Variants in NBPF15 observed in about 807,000 individuals in gnomAD.
NBPF15 encodes NBPF family member NBPF15.
In NBPF15, 74 loss-of-function variants were observed where a neutral mutation model predicts 62.2. The observed-to-expected ratio is 1.19, with a 90% confidence interval of 0.99 to 1.44. The LOEUF is 1.44. Ranked by LOEUF, NBPF15 falls within the 40% of genes most tolerant of loss-of-function variation. The probability of loss-of-function intolerance (pLI) is 0.00; values close to 1 mark genes in which losing one functional copy is unlikely to be tolerated. For missense variants in NBPF15, 790 were observed against 550.0 expected (o/e 1.44, Z -4.36); for synonymous variants, 244 against 209.7 (o/e 1.16, Z -1.41).
At chr1:144,444,524 G>T (rs1227840636) in intron 6 of NBPF15, among the ~76,000 whole-genome samples, 2 of 151,564 alleles carry the variant, frequency 1.3e-5, no homozygotes, top group African/African-American at 4.8e-5. Context: ...CAAGATAAGG[G>T]CCCCCAGCAC....
At chr1:144,454,941 A>G (rs1189110548) in intron 4 of NBPF15, among the ~76,000 whole-genome samples, 2 of 151,428 alleles carry the variant, frequency 1.3e-5, no homozygotes, top group Non-Finnish European at 2.9e-5. Context: ...AAGCAGCTCC[A>G]GAGGTTTTGG....
chr1:144,432,675 C>T (rs1675278087), intron 13 of NBPF15, among the ~76,000 whole-genome samples: 1 of 151,992 alleles, frequency 6.6e-6, no homozygotes, highest in African/African-American at 2.4e-5. Context: ...TCTGATAAAA[C>T]AGACTTTAAA....
At chr1:144,426,680 G>A (rs1210145397) in intron 17 of NBPF15, among the ~76,000 whole-genome samples, 3 of 151,580 alleles carry the variant, frequency 2.0e-5, no homozygotes, top group African/African-American at 7.3e-5. Flanking sequence ...AGTGAGCTCA[G>A]CGAATTGGCC....
At position 144,440,139 on chromosome 1, in the gene NBPF15, A is replaced by T. The variant is rs1681725982; in HGVS notation, c.-36+2T>A. On this transcript the variant is annotated splice_donor_variant, in intron 7 of 21. Coordinates refer to ENST00000581897, the MANE Select transcript of NBPF15 (RefSeq NM_001385408.1). LOFTEE classifies it low-confidence loss of function (5UTR_SPLICE). ...TGTAAGTAACTGAAATTCTTAACTT[A>T]CTGTTGTCAAAAATGTGATCACTCC... 2 of 1,584,014 alleles carry T rather than the reference A, an allele frequency of 1.3e-6. No homozygotes were observed. The highest frequency in any genetic ancestry group is 2.2e-5 in the East Asian group (1 of 44,762).
intron 6 of NBPF15, among the ~76,000 whole-genome samples, chr1:144,445,486 A>ATT (rs587647156): frequency 2.1e-5 from 3 of 140,564 alleles, no homozygotes; most frequent in African/African-American, 7.8e-5. Context: ...TATATATTCC[A>ATT]TTTTTTTTTT....
intron 15 of NBPF15, 148 bp downstream of exon 15, chr1:144,428,457 CT>C (rs1283897066): frequency 6.8e-6 from 6 of 888,050 alleles, no homozygotes; most frequent in Admixed American, 5.2e-5. Flanking sequence ...AACATTTACT[CT>C]AATGAGAACC....
chr1:144,428,135 G>T (rs1321355184), intron 15 of NBPF15, 145 bp from the exon 16 acceptor site: 3 of 672,978 alleles, frequency 4.5e-6, no homozygotes, highest in Non-Finnish European at 8.1e-6. Flanking sequence ...TTGCCTTTAT[G>T]TTGGGATAGA....
At chr1:144,432,682 T>C (rs1223353321) in intron 13 of NBPF15, among the ~76,000 whole-genome samples, 3 of 152,080 alleles carry the variant, frequency 2.0e-5, no homozygotes, top group South Asian at 4.2e-4. Flanking sequence ...AAACAGACTT[T>C]AAACCAACAA....
At chr1:144,426,740 C>T (rs1184007618) in intron 17 of NBPF15, among the ~76,000 whole-genome samples, 5 of 151,658 alleles carry the variant, frequency 3.3e-5, no homozygotes, top group Non-Finnish European at 5.9e-5. Context: ...TTAGTGCGCT[C>T]GGGACACACA....
chr1:144,439,896 T>A lies in NBPF15; in HGVS notation c.108A>T (p.Arg36Ser). The change falls in exon 8 of 22, where the codon AGA becomes AGT. Residue 36 changes from arginine to serine, a missense_variant. Physicochemically the swap from Arg to Ser is moderately radical, Grantham distance 110. Coordinates refer to ENST00000581897, the MANE Select transcript of NBPF15 (RefSeq NM_001385408.1). ...TTAGAAAACATTTCTCTTTGAGGTT[T>A]CTGAACTGCTGTTTCTTCTCTGCCA... ...PQLAEKKQQFRNLKEKCFLTQ... is the reference protein window; with the variant it reads ...PQLAEKKQQFSNLKEKCFLTQ... The A allele has an allele frequency of 6.2e-7, 1 of 1,611,516 alleles. No individual in the cohort carries two copies. Among genetic ancestry groups the A allele is most frequent in the South Asian group, 1.1e-5 (1 of 90,968 alleles).
chr1:144,445,309 AGAT>A (rs1341044367), intron 6 of NBPF15, among the ~76,000 whole-genome samples: 2 of 122,394 alleles, frequency 1.6e-5, no homozygotes, highest in Non-Finnish European at 3.4e-5. Context: ...CCCTATTTGG[AGAT>A]GATAATCTTC....
In NBPF15 at chr1:144,427,702, A is replaced by G. The variant is rs1670775824; in HGVS notation, c.1213+116T>C. 1.1e-5 allele frequency: 7 copies of G among 618,564 alleles called. No individual in the cohort carries two copies. The East Asian group carries it at 1.6e-4, about 14-fold the overall frequency. The allele number at this position is 618,564 out of a possible 1,614,324, so 38.3% of individuals were successfully genotyped here. On this transcript the variant is annotated intron_variant, in intron 16 of 21. Coordinates refer to ENST00000581897, the MANE Select transcript of NBPF15 (RefSeq NM_001385408.1). ...TTTCATTCAACCTACATGTGCCTAT[A>G]GGTCCTCCCTGTGGCAATGACATCT...
chr1:144,451,634 C>T (rs1691239320), intron 4 of NBPF15, among the ~76,000 whole-genome samples: 2 of 151,746 alleles, frequency 1.3e-5, no homozygotes, highest in Admixed American at 6.6e-5. Context: ...AACAAGCATG[C>T]TGCCTTCAAG....
intron 4 of NBPF15, among the ~76,000 whole-genome samples, chr1:144,452,374 A>T: frequency 6.6e-6 from 1 of 152,042 alleles, no homozygotes; most frequent in Non-Finnish European, 1.5e-5. Context: ...CATCCCTAGA[A>T]TGCAATCTCT....
chr1:144,428,057 T>A, intron 15 of NBPF15, 67 bp from the exon 16 acceptor site: 2 of 786,132 alleles, frequency 2.5e-6, no homozygotes, highest in East Asian at 2.4e-5. Flanking sequence ...CCCAGCTAGA[T>A]TTCATGGCTA....
In NBPF15 at chr1:144,435,282, C is replaced by A. The variant is rs1677367039; in HGVS notation, c.601G>T (p.Glu201Ter). 1 of 1,611,788 alleles carries A rather than the reference C, an allele frequency of 6.2e-7. No homozygotes were observed. Among genetic ancestry groups the A allele is most frequent in the South Asian group, 1.1e-5 (1 of 90,984 alleles). Residue 201 changes from glutamate (E) to a stop codon, truncating the protein, a stop_gained, in exon 12 of 22, where the codon GAG (glutamate) becomes TAG (stop). Transcript: ENST00000581897. LOFTEE classifies it high-confidence loss of function. ...ATGGCACATTCCTCCAGTGAGTCCT[C>A]AGGGACTTCCTTTTCTTCAGCCTTC... ...MQKAEEKEVP[E>*]DSLEECAITC...
At chr1:144,456,231 TG>T (rs1272660824) in intron 4 of NBPF15, among the ~76,000 whole-genome samples, 2 of 128,446 alleles carry the variant, frequency 1.6e-5, no homozygotes, top group African/African-American at 2.9e-5. Context: ...GGGCAGAGAA[TG>T]GGGGGTAAGA....
Position 144,438,915 on chromosome 1 carries a change from G to A in NBPF15, c.176-868C>T, listed in dbSNP as rs1174160226. 1.8e-4 allele frequency among the ~76,000 whole-genome samples: 28 copies of A among 151,790 alleles called. 1 individual carries two copies. The highest frequency in any genetic ancestry group is 6.8e-4 in the African/African-American group (28 of 41,300). ...TCTTCCTCTTTAGCAACAAGACTCT[G>A]TGCCCCAGGAAGCAGGACTTCACTC... On this transcript the variant is annotated intron_variant, in intron 8 of 21. Transcript: ENST00000581897.
chr1:144,440,396 T>C (rs1440112960), intron 6 of NBPF15, 101 bp from the exon 7 acceptor site: 1 of 643,458 alleles, frequency 1.6e-6, no homozygotes, highest in Non-Finnish European at 2.6e-6. Context: ...GGCACCCTAG[T>C]CTCACCTGAG....
Sources: gnomAD v4.1 joint callset for allele counts (sites outside exome capture counted in the v4.1 genomes callset) on GRCh38, gnomAD v4.1.1 for gene constraint, MANE v1.5 for transcripts, NCBI Gene and HGNC (gene_info 2026-07-23, HGNC 2026-07-21) for gene names.